Variants in RAB6B observed in about 807,000 individuals in gnomAD.
The protein encoded by RAB6B is RAB6B, member RAS oncogene family, also known as ras-related protein Rab-6B.
In RAB6B, 7 loss-of-function variants were observed where a neutral mutation model predicts 31.2. The ratio of observed to expected loss-of-function variants is 0.22; its 90% CI spans 0.13 to 0.42. RAB6B has a LOEUF of 0.42. RAB6B is among the 10% of genes least tolerant of loss of function. The pLI, the probability that RAB6B is intolerant of heterozygous loss-of-function variation, is 1.00. For synonymous variants in RAB6B, 105 were observed against 104.9 expected (o/e 1.00, Z -0.01); for missense variants, 149 against 280.6 (o/e 0.53, Z 3.35).
chr3:133,870,391 G>C (rs1037815714), intron 1 of RAB6B, among the ~76,000 whole-genome samples: 1 of 152,192 alleles, frequency 6.6e-6, no homozygotes, highest in African/African-American at 2.4e-5. Context: ...GGTAAGATTT[G>C]GGTGGGGACA....
chr3:133,846,271 A>AC (rs1259072444), intron 2 of RAB6B, among the ~76,000 whole-genome samples: 3 of 152,128 alleles, frequency 2.0e-5, no homozygotes, highest in African/African-American at 7.2e-5. Context: ...ACACAGTGAA[A>AC]CCCCATCTCT....
chr3:133,857,078 G>A (rs545119611), intron 2 of RAB6B, among the ~76,000 whole-genome samples: 45 of 152,270 alleles, frequency 3.0e-4, no homozygotes, highest in Non-Finnish European at 5.6e-4. Context: ...AGGGATGGTC[G>A]GGACACTGTG....
At chr3:133,877,742 T>G (rs1936415855) in intron 1 of RAB6B, among the ~76,000 whole-genome samples, 1 of 148,666 alleles carries the variant, frequency 6.7e-6, no homozygotes, top group Non-Finnish European at 1.5e-5. Flanking sequence ...AGTTATTATA[T>G]ATTATAACTG....
intron 7 of RAB6B, among the ~76,000 whole-genome samples, chr3:133,830,463 C>T (rs1935640230): frequency 6.6e-6 from 1 of 152,206 alleles, no homozygotes. Flanking sequence ...ACCAGATTTT[C>T]CCTGCTTTAA....
chr3:133,846,272 C>T (rs1348396759), intron 2 of RAB6B, among the ~76,000 whole-genome samples: 1 of 152,150 alleles, frequency 6.6e-6, no homozygotes, highest in Non-Finnish European at 1.5e-5. Context: ...CACAGTGAAA[C>T]CCCATCTCTA....
At chr3:133,855,267 C>T (rs1936057258) in intron 2 of RAB6B, among the ~76,000 whole-genome samples, 1 of 152,248 alleles carries the variant, frequency 6.6e-6, no homozygotes, top group Admixed American at 6.5e-5. Flanking sequence ...TGGGCATATC[C>T]TTGCCAGAAG....
intron 6 of RAB6B, among the ~76,000 whole-genome samples, chr3:133,834,903 T>C (rs988853463): frequency 3.9e-5 from 6 of 152,190 alleles, no homozygotes; most frequent in Admixed American, 2.6e-4. Context: ...AGACTGGCCA[T>C]AGGGTCACTG....
chr3:133,830,625 C>T (rs1935642461), intron 7 of RAB6B, among the ~76,000 whole-genome samples: 1 of 152,178 alleles, frequency 6.6e-6, no homozygotes, highest in African/African-American at 2.4e-5. Context: ...AGTGGCCTCT[C>T]CTGCTGAGAG....
At chr3:133,876,134 A>C (rs970987766) in intron 1 of RAB6B, among the ~76,000 whole-genome samples, 9 of 152,200 alleles carry the variant, frequency 5.9e-5, no homozygotes, top group Non-Finnish European at 1.5e-5. Context: ...CCTCCTCTGC[A>C]GCTATTTTGT....
chr3:133,860,255 A>G (rs1380369001), intron 2 of RAB6B, among the ~76,000 whole-genome samples: 2 of 152,220 alleles, frequency 1.3e-5, no homozygotes, highest in East Asian at 3.8e-4. Context: ...CTTGAGAGAA[A>G]AAATCATCCA....
chr3:133,867,707 G>C (rs1936257129), intron 1 of RAB6B, among the ~76,000 whole-genome samples: 1 of 152,202 alleles, frequency 6.6e-6, no homozygotes, highest in Non-Finnish European at 1.5e-5. Context: ...AATCTGAAAG[G>C]TCAGAAACTG....
At chr3:133,832,714 T>G (rs1242324319) in intron 7 of RAB6B, among the ~76,000 whole-genome samples, 4 of 152,190 alleles carry the variant, frequency 2.6e-5, no homozygotes, top group African/African-American at 7.2e-5. Context: ...AGCTGGCTCC[T>G]GGGCAGAAGT....
chr3:133,829,214 T>A (rs1162780812), intron 7 of RAB6B, among the ~76,000 whole-genome samples: 3 of 152,112 alleles, frequency 2.0e-5, no homozygotes, highest in Non-Finnish European at 4.4e-5. Context: ...CCACTCAAAG[T>A]GCAATGGAGA....
At chr3:133,852,932 G>A (rs1305815403) in intron 2 of RAB6B, among the ~76,000 whole-genome samples, 1 of 152,166 alleles carries the variant, frequency 6.6e-6, no homozygotes, top group Non-Finnish European at 1.5e-5. Flanking sequence ...CAGCCACCAG[G>A]AAACTCAAAG....
rs1935544382 is a variant in RAB6B, at chr3:133,825,396, A to G, written c.*3392T>C. Reference sequence around the variant, plus strand: ...AATCCTTGTTTCTGTTGCCAGAGATACTGAAACTGGTCTGGCCATTGCTCC... The same window carrying G: ...AATCCTTGTTTCTGTTGCCAGAGATGCTGAAACTGGTCTGGCCATTGCTCC... On this transcript the variant is annotated 3_prime_UTR_variant, in exon 8 of 8. Coordinates refer to ENST00000285208, the MANE Select transcript of RAB6B (RefSeq NM_016577.4). The G allele has an allele frequency of 6.6e-6, 1 of 152,264 alleles. No homozygotes were observed. Among genetic ancestry groups the G allele is most frequent in the Non-Finnish European group, 1.5e-5 (1 of 68,064 alleles). 9.4% of individuals were successfully genotyped at this position (152,264 alleles called of 1,614,324 possible). A position where few individuals can be genotyped will look rare whatever the true frequency, so the allele number is the denominator to read the frequency against.
rs572870862 is a variant in RAB6B, at chr3:133,878,516, C to T, written c.71-13874G>A. Among the ~76,000 whole-genome samples, 6 of 152,310 alleles carry T rather than the reference C, an allele frequency of 3.9e-5. No individual in the cohort carries two copies. In the East Asian group the frequency reaches 1.2e-3, roughly 29 times the overall value. ...GCTGACAGAATTCATCACCAGCACA[C>T]TCTCACATCAAGAAATGTTAAAGAA... On this transcript the variant is annotated intron_variant, in intron 1 of 7. Coordinates refer to ENST00000285208, the MANE Select transcript of RAB6B (RefSeq NM_016577.4).
chr3:133,895,712 G>C lies in RAB6B; in HGVS notation c.-246C>G. On this transcript the variant is annotated 5_prime_UTR_variant, in exon 1 of 8. Transcript: ENST00000285208. ...GGCTGGGGCTGGGCTGCTGCGGTCG[G>C]CACTGGCTGCGGTGCGAGGGGCGCG... 1.9e-6 allele frequency: 1 copy of C among 515,460 alleles called. No individual in the cohort carries two copies. Among genetic ancestry groups the C allele is most frequent in the South Asian group, 2.8e-5 (1 of 35,992 alleles). 31.9% of individuals were successfully genotyped at this position (515,460 alleles called of 1,614,324 possible). A position where few individuals can be genotyped will look rare whatever the true frequency, so the allele number is the denominator to read the frequency against.
chr3:133,850,524 T>C (rs1277466607), intron 2 of RAB6B, among the ~76,000 whole-genome samples: 1 of 151,666 alleles, frequency 6.6e-6, no homozygotes, highest in Non-Finnish European at 1.5e-5. Flanking sequence ...AAATACAAAC[T>C]TAGAACTGAA....
At position 133,854,339 on chromosome 3, in the gene RAB6B, A is replaced by G. The variant is rs76173907; in HGVS notation, c.129+10245T>C. Among the ~76,000 whole-genome samples, 313 of 152,304 alleles carry G rather than the reference A, an allele frequency of 2.1e-3. 2 individuals are homozygous for G. Among genetic ancestry groups the G allele is most frequent in the African/African-American group, 7.3e-3 (304 of 41,556 alleles). ...TTTTCTCTTGTGAGGTACAAAGCAA[A>G]TTATTTTTGCTGGTAACTATTTTAC... On this transcript the variant is annotated intron_variant, in intron 2 of 7. Transcript: ENST00000285208.
Sources: allele counts gnomAD v4.1 joint callset (sites outside exome capture counted in the v4.1 genomes callset), GRCh38; gene constraint gnomAD v4.1.1; transcripts MANE v1.5; gene names NCBI Gene and HGNC (gene_info 2026-07-23, HGNC 2026-07-21).